ZSCAN5C: variants seen among roughly 807,000 people sequenced by gnomAD.
ZSCAN5C encodes zinc finger and SCAN domain containing 5C, also known as zinc finger and SCAN domain-containing protein 5C.
A neutral mutation model predicts 17.3 loss-of-function variants in ZSCAN5C; 11 were observed. The ratio of observed to expected loss-of-function variants is 0.64; its 90% CI spans 0.40 to 1.06. The LOEUF is 1.06. Among genes scored for constraint, ZSCAN5C ranks in the 50% least tolerant of loss-of-function variants. The pLI is 0.00. For missense variants in ZSCAN5C, 698 were observed against 538.9 expected, an observed-to-expected ratio of 1.30 and a Z score of -2.92; for synonymous variants, 229 against 208.4, an observed-to-expected ratio of 1.10 and a Z score of -0.85.
At chr19:56,207,254 A>T (rs1311838115) in exon 3 of ZSCAN5C, 1 of 776,816 alleles carries the variant, frequency 1.3e-6, no homozygotes, top group South Asian at 1.4e-5. Flanking sequence ...TGCACTGTTC[A>T]GGAGGCAGGT....
downstream of ZSCAN5C, chr19:56,209,282 A>T (rs2032963777): frequency 1.7e-6 from 1 of 605,028 alleles, no homozygotes; most frequent in Non-Finnish European, 2.9e-6. Flanking sequence ...CGTTTGACAG[A>T]TGAAGGGCGC....
exon 2 of ZSCAN5C, chr19:56,206,063 C>A: frequency 6.2e-7 from 1 of 1,612,880 alleles, no homozygotes; most frequent in Non-Finnish European, 8.5e-7. Flanking sequence ...TCAGGATGTT[C>A]AGCTGCCCGA....
chr19:56,205,849 C>A (rs1481478861), exon 2 of ZSCAN5C: 2 of 716,642 alleles, frequency 2.8e-6, no homozygotes, highest in South Asian at 1.7e-5. Flanking sequence ...GTATATAGGT[C>A]GCAATTAGAC....
chr19:56,207,647 A>C (rs2032938870), intron 3 of ZSCAN5C, among the ~76,000 whole-genome samples: 2 of 151,802 alleles, frequency 1.3e-5, no homozygotes, highest in Admixed American at 1.3e-4. Flanking sequence ...GTGTTTCTCA[A>C]CTGGGGTGAT....
At chr19:56,209,392 T>C, downstream of ZSCAN5C, 1 of 511,328 alleles carries the variant, frequency 2.0e-6, no homozygotes, top group Non-Finnish European at 3.4e-6. Context: ...ATTATTTCTA[T>C]TGTTTTAGGT....
chr19:56,202,514 A>G (rs868194937), intron 1 of ZSCAN5C, among the ~76,000 whole-genome samples, 192 bp downstream of exon 1: 1 of 151,856 alleles, frequency 6.6e-6, no homozygotes, highest in East Asian at 1.9e-4. Context: ...TTTGCACCCT[A>G]TTATTTATTC....
At chr19:56,209,283 T>G, downstream of ZSCAN5C, 2 of 605,494 alleles carry the variant, frequency 3.3e-6, no homozygotes, top group Non-Finnish European at 5.9e-6. Flanking sequence ...GTTTGACAGA[T>G]GAAGGGCGCC....
intron 4 of ZSCAN5C, 37 bp downstream of exon 4, chr19:56,208,221 C>T (rs764401884): frequency 9.3e-6 from 7 of 752,462 alleles, no homozygotes; most frequent in African/African-American, 6.9e-5. Context: ...GGAGATAGCC[C>T]CTCTCTTCTG....
chr19:56,205,232 A>G (rs2032908399), intron 1 of ZSCAN5C, among the ~76,000 whole-genome samples: 1 of 151,892 alleles, frequency 6.6e-6, no homozygotes, highest in Non-Finnish European at 1.5e-5. Context: ...AAAATGATGA[A>G]ATTATGAATG....
In ZSCAN5C at chr19:56,206,974, G is replaced by T. The variant is rs557772433; in HGVS notation, c.385-85G>T. On this transcript the variant is annotated intron_variant, in intron 2 of 4. Transcript: ENST00000534327. ...ATTTGAACATTAATTACAGTAAAGTGTGAGCATTATGGCAGGACCCAGGGA... is the reference window on the plus strand; with the variant it reads ...ATTTGAACATTAATTACAGTAAAGTTTGAGCATTATGGCAGGACCCAGGGA... 460 of 643,822 alleles carry T rather than the reference G, an allele frequency of 7.1e-4. 6 individuals carry two copies. The highest frequency in any genetic ancestry group is 2.0e-3 in the South Asian group (118 of 57,908). The allele number at this position is 643,822 out of a possible 1,614,324, so 39.9% of individuals were successfully genotyped here. A position where few individuals can be genotyped will look rare whatever the true frequency, so the allele number is the denominator to read the frequency against.
intron 1 of ZSCAN5C, among the ~76,000 whole-genome samples, chr19:56,202,792 G>A (rs934441376): frequency 2.0e-5 from 3 of 151,956 alleles, no homozygotes; most frequent in African/African-American, 7.3e-5. Context: ...CTGGGATCAA[G>A]CATGCTCCCA....
intron 1 of ZSCAN5C, 27 bp from the exon 2 acceptor site, chr19:56,205,760 C>A (rs2032912997): frequency 1.7e-6 from 1 of 584,896 alleles, no homozygotes; most frequent in Admixed American, 3.0e-5. Context: ...GAAACTTTAA[C>A]AGAGCTCATG....
chr19:56,202,899 G>A (rs950712067), intron 1 of ZSCAN5C, among the ~76,000 whole-genome samples: 1 of 151,936 alleles, frequency 6.6e-6, no homozygotes, highest in Non-Finnish European at 1.5e-5. Context: ...CCTTTCCACA[G>A]GGTAAAATCA....
chr19:56,205,345 GGTTT>G lies in ZSCAN5C; in HGVS notation c.-127-438_-127-435del, dbSNP rs532031109. Among the ~76,000 whole-genome samples, 1,118 of 151,716 alleles carry G rather than the reference GGTTT, an allele frequency of 7.4e-3. 36 individuals are homozygous for G. Among genetic ancestry groups the G allele is most frequent in the African/African-American group, 0.026 (1,073 of 41,184 alleles). On this transcript the variant is annotated intron_variant, in intron 1 of 4. Coordinates refer to ENST00000534327, the Ensembl canonical transcript of ZSCAN5C. ...GAGCGAATAATTCTGGGATTAAGAG[GGTTT>G]GTTGTGGGACAATATCTTACGTTGT...
exon 5 of ZSCAN5C, chr19:56,208,891 G>T (rs2032957234): frequency 1.2e-6 from 2 of 1,603,750 alleles, no homozygotes; most frequent in Non-Finnish European, 1.7e-6. Flanking sequence ...AGCGCTTCAT[G>T]CAGCGCATAG....
exon 2 of ZSCAN5C, chr19:56,206,235 G>T (rs201824207): frequency 1.3e-6 from 2 of 1,564,884 alleles, no homozygotes; most frequent in Non-Finnish European, 1.7e-6. Flanking sequence ...CATGATGAAC[G>T]GTGTGCAGAG....
exon 5 of ZSCAN5C, chr19:56,209,136 C>T (rs775533633): frequency 2.7e-6 from 4 of 1,504,884 alleles, no homozygotes; most frequent in East Asian, 2.3e-5. Flanking sequence ...TGTCCAAGAG[C>T]CTTCGGTCGG....
intron 1 of ZSCAN5C, among the ~76,000 whole-genome samples, 154 bp from the exon 2 acceptor site, chr19:56,205,633 T>A (rs2146338425): frequency 6.6e-6 from 1 of 151,912 alleles, no homozygotes; most frequent in Non-Finnish European, 1.5e-5. Flanking sequence ...TGGTCAGGTG[T>A]AGACACTGGA....
chr19:56,207,998 G>A (rs181610503), intron 3 of ZSCAN5C, 36 bp from the exon 4 acceptor site: 23 of 701,164 alleles, frequency 3.3e-5, no homozygotes, highest in East Asian at 1.1e-4. Flanking sequence ...ACCGGTTTAG[G>A]CATGGCAGTC....
Sources: gnomAD v4.1 joint callset for allele counts (sites outside exome capture counted in the v4.1 genomes callset) on GRCh38, gnomAD v4.1.1 for gene constraint, MANE v1.5 for transcripts, NCBI Gene and HGNC (gene_info 2026-07-23, HGNC 2026-07-21) for gene names.